Variants in XPO7 observed in about 807,000 individuals in gnomAD.
XPO7 encodes exportin 7, also known as exportin-7.
In XPO7, 21 loss-of-function variants were observed where a neutral mutation model predicts 144.3. That is an observed-to-expected ratio of 0.15 (90% CI 0.10 to 0.21). The LOEUF (loss-of-function observed/expected upper bound fraction) is 0.21. XPO7 is among the 10% of genes least tolerant of loss of function. The pLI is 1.00. For missense variants in XPO7, 808 were observed against 1,325.8 expected (o/e 0.61, Z 6.06); for synonymous variants, 580 against 499.6 (o/e 1.16, Z -2.15).
intron 1 of XPO7, among the ~76,000 whole-genome samples, chr8:21,926,133 G>GA (rs1486590274): frequency 6.6e-6 from 1 of 151,574 alleles, no homozygotes; most frequent in Non-Finnish European, 1.5e-5. Context: ...ACCTCTCTTA[G>GA]AAAAACATTA....
In XPO7 at chr8:21,989,018, G is replaced by A. The variant is rs1812671677; in HGVS notation, c.1803G>A (p.Lys601=). ...TGTCCTCCAGCATCACCAACTTGAA[G>A]TACTGGGGCCGTTGTGAACCAATCA... ...VFIGKIITNL[K]YWGRCEPITS... Residue 601 remains lysine, a synonymous_variant, in exon 16 of 28, where the codon AAG becomes AAA. Coordinates refer to ENST00000252512, the MANE Select transcript of XPO7 (RefSeq NM_015024.5). 3 of 1,613,236 alleles carry A rather than the reference G, an allele frequency of 1.9e-6. No homozygotes were observed. The highest frequency in any genetic ancestry group is 1.6e-4 in the Middle Eastern group (1 of 6,082).
intron 1 of XPO7, among the ~76,000 whole-genome samples, chr8:21,926,832 C>G (rs1234950438): frequency 6.6e-6 from 1 of 152,050 alleles, no homozygotes; most frequent in Non-Finnish European, 1.5e-5. Context: ...ATGTAATGTT[C>G]GTGTTAGTAG....
chr8:21,946,581 A>AG (rs140285911), intron 1 of XPO7, among the ~76,000 whole-genome samples: 2 of 75,490 alleles, frequency 2.6e-5, no homozygotes, highest in Non-Finnish European at 4.8e-5. Context: ...ACTGAAAAAA[A>AG]AAAACAAAAA....
At chr8:21,994,030 G>GATGT (rs1250616003) in intron 19 of XPO7, among the ~76,000 whole-genome samples, 1 of 138,312 alleles carries the variant, frequency 7.2e-6, no homozygotes, top group Non-Finnish European at 1.5e-5. Context: ...TTTTACATGT[G>GATGT]ATGTATTACT....
chr8:21,970,045 T>A, intron 3 of XPO7, 99 bp from the exon 4 acceptor site: 1 of 1,345,700 alleles, frequency 7.4e-7, no homozygotes, highest in East Asian at 2.3e-5. Flanking sequence ...TCTAAATTTA[T>A]AATTTCTTGG....
intron 1 of XPO7, among the ~76,000 whole-genome samples, chr8:21,933,996 C>T (rs1039887325): frequency 1.3e-5 from 2 of 152,060 alleles, no homozygotes; most frequent in African/African-American, 4.8e-5. Flanking sequence ...AGAAAATGTA[C>T]AAGTAAACAT....
chr8:21,942,875 T>C (rs760883641), intron 1 of XPO7, among the ~76,000 whole-genome samples: 1 of 152,246 alleles, frequency 6.6e-6, no homozygotes, highest in Non-Finnish European at 1.5e-5. Context: ...GCAGTCTTAC[T>C]TTAAACTAGC....
At chr8:21,994,480 A>G in intron 20 of XPO7, 29 bp downstream of exon 20, 5 of 1,586,564 alleles carry the variant, frequency 3.2e-6, no homozygotes, top group Non-Finnish European at 4.3e-6. Flanking sequence ...GGAGCACACT[A>G]CAGCCTGCCT....
chr8:21,951,284 TGAGGCCTACCTTAATTAC>T (rs968616042), intron 1 of XPO7, among the ~76,000 whole-genome samples: 41 of 152,046 alleles, frequency 2.7e-4, no homozygotes, highest in Non-Finnish European at 5.1e-4. Context: ...TTTAAACCTA[TGAGGCCTACCTTAATTAC>T]CCTTTTGAAT....
chr8:21,955,629 C>T (rs17060677), intron 1 of XPO7, among the ~76,000 whole-genome samples: 30,884 of 151,818 alleles, frequency 0.2, 4,458 homozygotes, highest in African/African-American at 0.41. Flanking sequence ...GGCCCTTTGC[C>T]GTCCTTCCAG....
At chr8:21,925,732 A>G (rs1810438179) in intron 1 of XPO7, among the ~76,000 whole-genome samples, 1 of 152,218 alleles carries the variant, frequency 6.6e-6, no homozygotes, top group Admixed American at 6.5e-5. Context: ...TTGTACTTCA[A>G]GCATTCTGGA....
At chr8:21,986,825 G>A (rs913681258) in intron 13 of XPO7, among the ~76,000 whole-genome samples, 6 of 152,090 alleles carry the variant, frequency 3.9e-5, no homozygotes, top group East Asian at 1.9e-4. Flanking sequence ...ATCTGTATTC[G>A]CATTCACTCA....
At chr8:21,972,573 A>G (rs1053431715) in intron 5 of XPO7, among the ~76,000 whole-genome samples, 7 of 152,168 alleles carry the variant, frequency 4.6e-5, no homozygotes, top group African/African-American at 1.7e-4. Flanking sequence ...TTCTGCTCCT[A>G]TATACTTTAA....
At chr8:21,970,354 A>AT (rs1812015170) in intron 4 of XPO7, 44 bp downstream of exon 4, 1 of 1,531,838 alleles carries the variant, frequency 6.5e-7, no homozygotes, top group Non-Finnish European at 8.9e-7. Flanking sequence ...GAGAACCAGC[A>AT]TATACATATA....
rs7838653 is a variant in XPO7, at chr8:21,940,526, G to A, written c.18+20738G>A. 7.2e-3 allele frequency among the ~76,000 whole-genome samples: 1,085 copies of A among 151,726 alleles called. 9 individuals carry two copies. Among genetic ancestry groups the A allele is most frequent in the African/African-American group, 0.025 (1,046 of 41,302 alleles). On this transcript the variant is annotated intron_variant, in intron 1 of 27. Transcript: ENST00000252512. Reference sequence around the variant, plus strand: ...ACTGTGTCACCCAGGCTGGAGTGCGGTGGTGTGATCTCGGCTCACTGCAAC... The same window carrying A: ...ACTGTGTCACCCAGGCTGGAGTGCGATGGTGTGATCTCGGCTCACTGCAAC...
At chr8:21,998,357 T>C (rs527331195) in intron 21 of XPO7, among the ~76,000 whole-genome samples, 54 of 152,232 alleles carry the variant, frequency 3.5e-4, no homozygotes, top group Non-Finnish European at 6.2e-4. Context: ...AGGAGAATGG[T>C]GTGAACCCGA....
chr8:21,924,111 C>T (rs1447338022), intron 1 of XPO7, among the ~76,000 whole-genome samples: 3 of 152,150 alleles, frequency 2.0e-5, no homozygotes, highest in African/African-American at 4.8e-5. Flanking sequence ...TTTAGGTTTA[C>T]ACACAGCGGG....
intron 1 of XPO7, among the ~76,000 whole-genome samples, chr8:21,935,476 T>G (rs1027353886): frequency 2.0e-5 from 3 of 152,212 alleles, no homozygotes; most frequent in Non-Finnish European, 2.9e-5. Flanking sequence ...AAGCTTGATG[T>G]TCAGGTATCT....
intron 3 of XPO7, 39 bp from the exon 4 acceptor site, chr8:21,970,105 T>C (rs544742259): frequency 6.3e-7 from 1 of 1,591,312 alleles, no homozygotes; most frequent in Non-Finnish European, 8.5e-7. Flanking sequence ...GAGCTTTCTA[T>C]TATGTGGATT....
Sources: allele counts gnomAD v4.1 joint callset (sites outside exome capture counted in the v4.1 genomes callset), GRCh38; gene constraint gnomAD v4.1.1; transcripts MANE v1.5; gene names NCBI Gene and HGNC (gene_info 2026-07-23, HGNC 2026-07-21).